Variants in LRBA observed in about 807,000 individuals in gnomAD.
LRBA encodes the protein lipopolysaccharide-responsive and beige-like anchor protein.
In LRBA, 176 loss-of-function variants were observed where a neutral mutation model predicts 330.0. The observed-to-expected ratio is 0.53, with a 90% confidence interval of 0.47 to 0.60. The LOEUF is 0.60. LRBA is among the 20% of genes least tolerant of loss of function. The probability of loss-of-function intolerance (pLI) is 0.00; values close to 1 mark genes in which losing one functional copy is unlikely to be tolerated. For synonymous variants in LRBA, 1,230 were observed against 1,193.0 expected (o/e 1.03, Z -0.64); for missense variants, 3,259 against 3,444.8 (o/e 0.95, Z 1.35).
At chr4:150,673,525 T>C (rs531912250) in intron 37 of LRBA, among the ~76,000 whole-genome samples, 2 of 152,258 alleles carry the variant, frequency 1.3e-5, no homozygotes, top group South Asian at 4.2e-4. Flanking sequence ...CAAGAACACT[T>C]AAAAAAATAA....
intron 56 of LRBA, among the ~76,000 whole-genome samples, chr4:150,267,979 G>C (rs1023605003): frequency 6.6e-6 from 1 of 151,024 alleles, no homozygotes; most frequent in Non-Finnish European, 1.5e-5. Context: ...AGAATCACTT[G>C]AACCTGGGAA....
At chr4:150,466,682 T>C (rs1263005649) in intron 44 of LRBA, among the ~76,000 whole-genome samples, 1 of 152,106 alleles carries the variant, frequency 6.6e-6, no homozygotes, top group Non-Finnish European at 1.5e-5. Context: ...ATTTGTTAGC[T>C]GTTCCTAGAA....
intron 40 of LRBA, among the ~76,000 whole-genome samples, chr4:150,516,122 A>G (rs1048808109): frequency 6.6e-6 from 1 of 151,904 alleles, no homozygotes; most frequent in African/African-American, 2.4e-5. Context: ...ACTAGTAAGG[A>G]GTATTCTACC....
chr4:150,657,241 C>T (rs61516869), intron 37 of LRBA, among the ~76,000 whole-genome samples: 4,142 of 152,130 alleles, frequency 0.027, 177 homozygotes, highest in African/African-American at 0.094. Context: ...GAACATTTTA[C>T]GCTTAAAGTG....
At chr4:150,938,593 C>T (rs1735342401) in intron 2 of LRBA, among the ~76,000 whole-genome samples, 1 of 152,182 alleles carries the variant, frequency 6.6e-6, no homozygotes, top group Non-Finnish European at 1.5e-5. Context: ...ATACGTGCAA[C>T]CTCTAGGTAT....
intron 38 of LRBA, among the ~76,000 whole-genome samples, chr4:150,594,940 A>T (rs1017699263): frequency 9.2e-5 from 14 of 152,036 alleles, no homozygotes; most frequent in African/African-American, 3.4e-4. Context: ...CCTTTTTAAC[A>T]TCTACTGAGC....
chr4:150,591,435 C>T (rs1458197417), intron 38 of LRBA, among the ~76,000 whole-genome samples: 1 of 152,150 alleles, frequency 6.6e-6, no homozygotes. Flanking sequence ...TCTTCTTTAT[C>T]CACCCTCCCT....
At chr4:150,299,576 T>C (rs1580941459) in intron 53 of LRBA, among the ~76,000 whole-genome samples, 1 of 152,044 alleles carries the variant, frequency 6.6e-6, no homozygotes, top group East Asian at 1.9e-4. Flanking sequence ...TGTATATTAA[T>C]ATTAGATAAT....
chr4:150,937,579 T>C (rs1735213741), intron 2 of LRBA, among the ~76,000 whole-genome samples: 1 of 152,156 alleles, frequency 6.6e-6, no homozygotes, highest in African/African-American at 2.4e-5. Flanking sequence ...TTTAGCATGA[T>C]TTGGTCTCCT....
chr4:150,641,446 A>C (rs1452491843), intron 37 of LRBA, among the ~76,000 whole-genome samples: 3 of 152,194 alleles, frequency 2.0e-5, no homozygotes, highest in Non-Finnish European at 4.4e-5. Flanking sequence ...CACAGGAATC[A>C]CAACTCTTCT....
chr4:150,594,592 T>C (rs1422831440), intron 38 of LRBA, among the ~76,000 whole-genome samples: 1 of 152,092 alleles, frequency 6.6e-6, no homozygotes, highest in Non-Finnish European at 1.5e-5. Flanking sequence ...AAATTTTTCA[T>C]ATCATTATTA....
At chr4:150,471,822 A>G in intron 42 of LRBA, 83 bp from the exon 43 acceptor site, 1 of 736,504 alleles carries the variant, frequency 1.4e-6, no homozygotes, top group Non-Finnish European at 2.4e-6. Context: ...TTCATTCATA[A>G]TATCTATAAT....
chr4:150,797,428 C>A (rs1740953211), intron 34 of LRBA, among the ~76,000 whole-genome samples: 1 of 151,392 alleles, frequency 6.6e-6, no homozygotes, highest in Non-Finnish European at 1.5e-5. Flanking sequence ...AGAAAACTCT[C>A]AATAAAAACA....
intron 17 of LRBA, among the ~76,000 whole-genome samples, chr4:150,887,720 G>A (rs1364261422): frequency 1.5e-5 from 2 of 132,028 alleles, no homozygotes; most frequent in African/African-American, 2.9e-5. Flanking sequence ...AGTGAGCCAA[G>A]ATCGGGCCAC....
chr4:150,638,068 A>G (rs1016227583), intron 37 of LRBA, among the ~76,000 whole-genome samples: 6 of 151,830 alleles, frequency 4.0e-5, no homozygotes, highest in Non-Finnish European at 5.9e-5. Flanking sequence ...ACTGCATAAT[A>G]TTCTATTTGT....
chr4:150,719,564 T>C (rs1034689354), intron 36 of LRBA, among the ~76,000 whole-genome samples: 1 of 151,798 alleles, frequency 6.6e-6, no homozygotes, highest in Non-Finnish European at 1.5e-5. Flanking sequence ...TCACCAAACA[T>C]TAAAAAATTG....
At chr4:151,001,259 C>A (rs923425491) in intron 2 of LRBA, among the ~76,000 whole-genome samples, 17 of 152,222 alleles carry the variant, frequency 1.1e-4, no homozygotes, top group Non-Finnish European at 7.4e-5. Context: ...CCCCGACCGC[C>A]GACCTAGGCT....
chr4:150,657,993 A>C (rs1264583266), intron 37 of LRBA, among the ~76,000 whole-genome samples: 2 of 152,172 alleles, frequency 1.3e-5, no homozygotes, highest in East Asian at 3.9e-4. Flanking sequence ...GTGAAGGTAA[A>C]GAAATAAATG....
intron 30 of LRBA, 150 bp from the exon 31 acceptor site, chr4:150,817,407 A>G: frequency 4.5e-6 from 3 of 672,014 alleles, no homozygotes; most frequent in Non-Finnish European, 7.7e-6. Context: ...TTTTCACCCA[A>G]CATGAAATAT....
Sources: gnomAD v4.1 joint callset for allele counts (sites outside exome capture counted in the v4.1 genomes callset) on GRCh38, gnomAD v4.1.1 for gene constraint, MANE v1.5 for transcripts, NCBI Gene and HGNC (gene_info 2026-07-23, HGNC 2026-07-21) for gene names.